SLC35D1: variants seen among roughly 807,000 people sequenced by gnomAD.
The protein encoded by SLC35D1 is solute carrier family 35 member D1.
SLC35D1 carries 31 observed loss-of-function variants against 46.7 expected under a neutral mutation model. That is an observed-to-expected ratio of 0.66 (90% CI 0.50 to 0.90). The LOEUF is 0.90. Ranked by LOEUF, SLC35D1 falls within the 40% of genes least tolerant of loss-of-function variation. SLC35D1 has a pLI of 0.00. For synonymous variants in SLC35D1, 195 were observed against 164.6 expected (o/e 1.18, Z -1.41); for missense variants, 397 against 426.2 (o/e 0.93, Z 0.60).
At chr1:67,006,813 G>C (rs1310754152) in intron 11 of SLC35D1, among the ~76,000 whole-genome samples, 1 of 152,078 alleles carries the variant, frequency 6.6e-6, no homozygotes, top group African/African-American at 2.4e-5. Context: ...TGGAATATCT[G>C]CATTATACTC....
In SLC35D1 at chr1:67,041,292, C is replaced by T. The variant is rs960035811; in HGVS notation, c.729+944G>A. On this transcript the variant is annotated intron_variant, in intron 8 of 11. Coordinates refer to ENST00000235345, the MANE Select transcript of SLC35D1 (RefSeq NM_015139.3). Reference sequence around the variant, plus strand: ...GTCACAGTTCATTAAAACATTTACACGTATATTCAAGATGACCTGTACCAG... The same window carrying T: ...GTCACAGTTCATTAAAACATTTACATGTATATTCAAGATGACCTGTACCAG... Among the ~76,000 whole-genome samples the T allele has an allele frequency of 5.9e-5, 9 of 152,142 alleles. No homozygotes were observed. In the South Asian group the frequency reaches 8.3e-4, roughly 14 times the overall value.
At chr1:67,022,020 C>T (rs1667818206) in intron 8 of SLC35D1, among the ~76,000 whole-genome samples, 1 of 152,118 alleles carries the variant, frequency 6.6e-6, no homozygotes, top group Admixed American at 6.6e-5. Flanking sequence ...AACATGTTTC[C>T]TTTCTGTAAC....
rs1667379970 is a variant in SLC35D1, at chr1:67,003,271, A to G, written c.*1069T>C. ...GCAACCAAACCCAAAGGAAGGTGGCAAGGGAAAACAGACTTGCCTGTCTGC... is the reference window on the plus strand; with the variant it reads ...GCAACCAAACCCAAAGGAAGGTGGCGAGGGAAAACAGACTTGCCTGTCTGC... On this transcript the variant is annotated 3_prime_UTR_variant, in exon 12 of 12. Transcript: ENST00000235345. The G allele has an allele frequency of 6.6e-6, 1 of 152,392 alleles. No homozygotes were observed. The allele number at this position is 152,392 out of a possible 1,614,324, so 9.4% of individuals were successfully genotyped here. A position where few individuals can be genotyped will look rare whatever the true frequency, so the allele number is the denominator to read the frequency against.
chr1:66,973,383 T>A, the SLC35D1 span, among the ~76,000 whole-genome samples: 1 of 152,140 alleles, frequency 6.6e-6, no homozygotes, highest in Non-Finnish European at 1.5e-5. Context: ...GTTAAAATAT[T>A]TATTACATTT....
At chr1:67,023,728 C>T (rs921089540) in intron 8 of SLC35D1, among the ~76,000 whole-genome samples, 12 of 151,848 alleles carry the variant, frequency 7.9e-5, no homozygotes, top group Admixed American at 2.0e-4. Flanking sequence ...TCAAGTGATC[C>T]GCCCGCCCTA....
chr1:66,985,768 C>T, the SLC35D1 span: 71 of 919,666 alleles, frequency 7.7e-5, no homozygotes, highest in Middle Eastern at 1.1e-3. Context: ...GTAATTAAGT[C>T]ATATTTCTTA....
intron 4 of SLC35D1, among the ~76,000 whole-genome samples, chr1:67,051,047 G>A (rs1645303211): frequency 6.6e-6 from 1 of 151,972 alleles, no homozygotes; most frequent in African/African-American, 2.4e-5. Context: ...AAAGATAGGT[G>A]TGAATGAATG....
Position 67,021,584 on chromosome 1 carries a change from A to T in SLC35D1, c.748T>A (p.Trp250Arg), listed in dbSNP as rs772096878. ...TGCAGAAGAAAGAGGGTGTCAGCCC[A>T]GCCTTCAAACTCCACAGCCTGCAAC... ...DAQKAVEFEG[W>R]ADTLFLLQFT... Residue 250 changes from tryptophan (W) to arginine (R), a missense_variant, in exon 9 of 12, where the codon TGG (tryptophan) becomes AGG (arginine). Trp to Arg is a moderately radical substitution (Grantham distance 101). Transcript: ENST00000235345. 6.2e-7 allele frequency: 1 copy of T among 1,614,016 alleles called. No individual in the cohort carries two copies. The highest frequency in any genetic ancestry group is 8.5e-7 in the Non-Finnish European group (1 of 1,179,922).
At chr1:66,980,007 A>G in the SLC35D1 span, among the ~76,000 whole-genome samples, 2 of 151,298 alleles carry the variant, frequency 1.3e-5, no homozygotes, top group African/African-American at 4.9e-5. Flanking sequence ...CAGGTGATCC[A>G]CCTGCCTCGG....
At chr1:67,029,499 T>C (rs1667977044) in intron 8 of SLC35D1, among the ~76,000 whole-genome samples, 1 of 152,234 alleles carries the variant, frequency 6.6e-6, no homozygotes, top group African/African-American at 2.4e-5. Flanking sequence ...CAGCTTCTGC[T>C]AGCAAGACTG....
the SLC35D1 span, chr1:66,985,161 T>C: frequency 4.9e-6 from 5 of 1,019,878 alleles, no homozygotes; most frequent in Non-Finnish European, 6.0e-6. Context: ...CATTTGAATA[T>C]CTTTAGTTCA....
At chr1:67,046,396 A>G in intron 7 of SLC35D1, among the ~76,000 whole-genome samples, 1 of 152,212 alleles carries the variant, frequency 6.6e-6, no homozygotes, top group East Asian at 1.9e-4. Flanking sequence ...CTAAAAACTA[A>G]GCAGTTAAAG....
rs960616427 is a variant in SLC35D1, at chr1:67,002,530, C to A, written c.*1810G>T. 2 of 152,278 alleles carry A rather than the reference C, an allele frequency of 1.3e-5. No individual in the cohort carries two copies. The highest frequency in any genetic ancestry group is 2.9e-5 in the Non-Finnish European group (2 of 68,030). The allele number at this position is 152,278 out of a possible 1,614,324, so 9.4% of individuals were successfully genotyped here. ...AGTAAGACCCATATGACACAAGATA[C>A]TATCCTTTACTCCCAGTGGAATTTT... On this transcript the variant is annotated 3_prime_UTR_variant, in exon 12 of 12. Transcript: ENST00000235345.
At chr1:67,026,172 G>T (rs55817316) in intron 8 of SLC35D1, among the ~76,000 whole-genome samples, 1 of 152,048 alleles carries the variant, frequency 6.6e-6, no homozygotes, top group South Asian at 2.1e-4. Context: ...CCTTTCTTAT[G>T]CTGAGAAAGT....
intron 10 of SLC35D1, 114 bp downstream of exon 10, chr1:67,020,255 C>A: frequency 2.7e-6 from 2 of 727,392 alleles, no homozygotes; most frequent in Non-Finnish European, 2.5e-6. Context: ...CAAACTAAGA[C>A]AGTATGTGAG....
rs921885243 is a variant in SLC35D1 at position 67,020,520 on chromosome 1, T to G, written c.798-73A>C. On this transcript the variant is annotated intron_variant, in intron 9 of 11. Transcript: ENST00000235345. Reference sequence around the variant, plus strand: ...ATCTCTAGCCAAGATAAACAATCAGTGTTGGCCAAGCCAGCACATTCTAGT... The same window carrying G: ...ATCTCTAGCCAAGATAAACAATCAGGGTTGGCCAAGCCAGCACATTCTAGT... 3.5e-6 allele frequency: 4 copies of G among 1,128,140 alleles called. No homozygotes were observed. In the African/African-American group the frequency reaches 6.1e-5, roughly 17 times the overall value. The allele number at this position is 1,128,140 out of a possible 1,614,324, so 69.9% of individuals were successfully genotyped here.
intron 8 of SLC35D1, among the ~76,000 whole-genome samples, chr1:67,021,858 C>T (rs756578509): frequency 2.0e-5 from 3 of 152,062 alleles, no homozygotes; most frequent in Non-Finnish European, 2.9e-5. Context: ...AAGATTTTCT[C>T]CCATCCAAAA....
chr1:67,049,908 A>G, intron 5 of SLC35D1, 58 bp from the exon 6 acceptor site: 13 of 1,222,588 alleles, frequency 1.1e-5, no homozygotes, highest in Non-Finnish European at 1.6e-5. Flanking sequence ...CTCATTTTAC[A>G]ACAGAAGCAA....
chr1:67,052,015 A>C lies in SLC35D1; in HGVS notation c.389T>G (p.Leu130Arg). The change falls in exon 4 of 12, where the codon CTG (leucine) becomes CGG (arginine). Residue 130 changes from leucine to arginine, a missense_variant. By Grantham distance (102) the Leu-to-Arg change is moderately radical. Coordinates refer to ENST00000235345, the MANE Select transcript of SLC35D1 (RefSeq NM_015139.3). ...AGTAAAATAAAGTTATCCATACTTC[A>C]GTTTCTTTGTGCTGAACAGTCCCGT... Reference protein sequence around the residue: ...QITGLFSTKKLNLPMFTVLRR... With the variant: ...QITGLFSTKKRNLPMFTVLRR... 1 of 1,597,126 alleles carries C rather than the reference A, an allele frequency of 6.3e-7. No homozygotes were observed. Among genetic ancestry groups the C allele is most frequent in the Non-Finnish European group, 8.6e-7 (1 of 1,164,558 alleles).
Sources: gnomAD v4.1 joint callset for allele counts (sites outside exome capture counted in the v4.1 genomes callset) on GRCh38, gnomAD v4.1.1 for gene constraint, MANE v1.5 for transcripts, NCBI Gene and HGNC (gene_info 2026-07-23, HGNC 2026-07-21) for gene names.